Variants in DOCK4 observed in about 807,000 individuals in gnomAD.
DOCK4 encodes the protein dedicator of cytokinesis protein 4.
Under a neutral mutation model 268.1 loss-of-function variants are expected in DOCK4, and 97 were observed. That is an observed-to-expected ratio of 0.36 (90% CI 0.31 to 0.43). The LOEUF (loss-of-function observed/expected upper bound fraction) is 0.43, where lower values mean the gene tolerates loss of function less well. Ranked by LOEUF, DOCK4 falls within the 20% of genes least tolerant of loss-of-function variation. The probability of loss-of-function intolerance (pLI) is 1.00; values close to 1 mark genes in which losing one functional copy is unlikely to be tolerated. For missense variants in DOCK4, 2,145 were observed against 2,455.7 expected (o/e 0.87, Z 2.67); for synonymous variants, 954 against 887.2 (o/e 1.08, Z -1.34).
chr7:111,911,441 T>C (rs1053632577), intron 13 of DOCK4, among the ~76,000 whole-genome samples: 3 of 152,042 alleles, frequency 2.0e-5, no homozygotes, highest in African/African-American at 7.2e-5. Context: ...CTCTCCCTTT[T>C]CTATTATGGA....
At chr7:112,187,876 AAAAAG>A (rs1203880224) in intron 1 of DOCK4, among the ~76,000 whole-genome samples, 4 of 152,188 alleles carry the variant, frequency 2.6e-5, no homozygotes, top group African/African-American at 4.8e-5. Context: ...TTCACAACTG[AAAAAG>A]AAAAGAAGAC....
chr7:112,036,532 G>C (rs1416859794), intron 1 of DOCK4, among the ~76,000 whole-genome samples: 1 of 152,018 alleles, frequency 6.6e-6, no homozygotes, highest in Non-Finnish European at 1.5e-5. Flanking sequence ...AATTTCATTT[G>C]CTTTTATATT....
At chr7:112,199,946 C>T (rs964852700) in intron 1 of DOCK4, among the ~76,000 whole-genome samples, 5 of 152,150 alleles carry the variant, frequency 3.3e-5, no homozygotes, top group African/African-American at 1.2e-4. Context: ...ATAAGAAATA[C>T]TACAGAAGAC....
intron 2 of DOCK4, among the ~76,000 whole-genome samples, chr7:112,002,331 G>A (rs898396116): frequency 6.6e-6 from 1 of 152,106 alleles, no homozygotes; most frequent in African/African-American, 2.4e-5. Flanking sequence ...TTGCAAAAAT[G>A]TCATAGAGAG....
chr7:111,852,343 G>C (rs536704965), intron 23 of DOCK4, among the ~76,000 whole-genome samples: 1 of 152,188 alleles, frequency 6.6e-6, no homozygotes, highest in South Asian at 2.1e-4. Context: ...CATCAAAACA[G>C]ACAACATAAG....
chr7:111,853,467 G>T (rs1205625227), intron 23 of DOCK4, among the ~76,000 whole-genome samples: 1 of 152,196 alleles, frequency 6.6e-6, no homozygotes, highest in African/African-American at 2.4e-5. Context: ...GGGCCTCTGT[G>T]ATCAAAGCCA....
intron 41 of DOCK4, 90 bp from the exon 42 acceptor site, chr7:111,755,691 C>T: frequency 8.5e-7 from 1 of 1,172,328 alleles, no homozygotes; most frequent in Non-Finnish European, 1.3e-6. Context: ...TGTTACCAGG[C>T]TTTGCTTATT....
intron 1 of DOCK4, among the ~76,000 whole-genome samples, chr7:112,092,956 G>T (rs1809771937): frequency 6.6e-6 from 1 of 152,056 alleles, no homozygotes. Flanking sequence ...TACCTGCCTA[G>T]TAACTGAAAG....
At chr7:111,798,794 A>AG (rs1350379439) in intron 30 of DOCK4, among the ~76,000 whole-genome samples, 1 of 152,372 alleles carries the variant, frequency 6.6e-6, no homozygotes, top group East Asian at 1.9e-4. Flanking sequence ...AGCAAAGGAA[A>AG]GGTAGCTAAC....
At chr7:111,862,169 T>C (rs10250088) in intron 23 of DOCK4, among the ~76,000 whole-genome samples, 65,926 of 151,320 alleles carry the variant, frequency 0.44, 14,849 homozygotes, top group African/African-American at 0.55. Context: ...TGTGGTGGTG[T>C]GTGCCTATAA....
At position 111,934,576 on chromosome 7, in the gene DOCK4, C is replaced by CTGCAG. The variant is rs990243565; in HGVS notation, c.1066+959_1066+963dup. On this transcript the variant is annotated intron_variant, in intron 12 of 52. Coordinates refer to ENST00000428084, the MANE Select transcript of DOCK4 (RefSeq NM_001363540.2). ...ACAGTGTCTTGCTCTGTCACCCGGG[C>CTGCAG]TGCAGTGCAGTGGCGCGACCTTGGC... Among the ~76,000 whole-genome samples, 4 of 140,284 alleles carry CTGCAG rather than the reference C, an allele frequency of 2.9e-5. No homozygotes were observed. The Admixed American group carries it at 3.0e-4, about 11-fold the overall frequency. The allele number at this position is 140,284 out of a possible 152,430, so 92.0% of individuals were successfully genotyped here. A position where few individuals can be genotyped will look rare whatever the true frequency, so the allele number is the denominator to read the frequency against.
chr7:111,862,182 C>T (rs62472925), intron 23 of DOCK4, among the ~76,000 whole-genome samples: 161 of 151,898 alleles, frequency 1.1e-3, no homozygotes, highest in Non-Finnish European at 2.0e-3. Flanking sequence ...GCCTATAATC[C>T]CAGCTACTCA....
intron 1 of DOCK4, among the ~76,000 whole-genome samples, chr7:112,162,818 C>T (rs775911740): frequency 3.5e-4 from 53 of 152,082 alleles, no homozygotes; most frequent in Non-Finnish European, 5.0e-4. Context: ...ATAGTAAACA[C>T]GATTTTATCT....
intron 1 of DOCK4, among the ~76,000 whole-genome samples, chr7:112,140,535 T>C (rs754513741): frequency 6.6e-6 from 1 of 151,608 alleles, no homozygotes; most frequent in Non-Finnish European, 1.5e-5. Context: ...TTTTAAGTTG[T>C]AGTGAATTCT....
chr7:111,918,542 G>T (rs1363736385), intron 12 of DOCK4, among the ~76,000 whole-genome samples: 9 of 152,148 alleles, frequency 5.9e-5, no homozygotes. Context: ...AAACCTGGAG[G>T]CGGAAGAATG....
chr7:111,728,109 G>C lies in DOCK4; in HGVS notation c.*165C>G. The C allele has an allele frequency of 2.0e-6, 1 of 504,444 alleles. No individual in the cohort carries two copies. Among genetic ancestry groups the C allele is most frequent in the Non-Finnish European group, 3.1e-6 (1 of 321,386 alleles). 31.2% of individuals were successfully genotyped at this position (504,444 alleles called of 1,614,324 possible). On this transcript the variant is annotated 3_prime_UTR_variant, in exon 53 of 53. Transcript: ENST00000428084. Reference sequence around the variant, plus strand: ...ATTTAACATCTGGCGTTTTAGATCAGCAACTTTTAATATTGTGCAACATGA... The same window carrying C: ...ATTTAACATCTGGCGTTTTAGATCACCAACTTTTAATATTGTGCAACATGA...
At chr7:111,774,764 T>C (rs1249697269) in intron 36 of DOCK4, among the ~76,000 whole-genome samples, 26 of 152,222 alleles carry the variant, frequency 1.7e-4, no homozygotes, top group Admixed American at 1.6e-3. Context: ...ACACATACAC[T>C]GACAACAGAG....
chr7:111,882,755 T>C (rs1293492131), intron 16 of DOCK4, among the ~76,000 whole-genome samples: 1 of 152,016 alleles, frequency 6.6e-6, no homozygotes, highest in Non-Finnish European at 1.5e-5. Flanking sequence ...TGGAATTACA[T>C]GCATGCACCA....
At chr7:112,147,442 C>T (rs895973717) in intron 1 of DOCK4, among the ~76,000 whole-genome samples, 11 of 152,178 alleles carry the variant, frequency 7.2e-5, no homozygotes, top group Non-Finnish European at 2.9e-5. Context: ...CCTGGATCCA[C>T]CTGACCTGTA....
Sources: gnomAD v4.1 joint callset for allele counts (sites outside exome capture counted in the v4.1 genomes callset) on GRCh38, gnomAD v4.1.1 for gene constraint, MANE v1.5 for transcripts, NCBI Gene and HGNC (gene_info 2026-07-23, HGNC 2026-07-21) for gene names.